The following ALPK2 variants were observed in gnomAD, a reference collection of about 807,000 sequenced individuals.
ALPK2 encodes the protein alpha-protein kinase 2.
Under a neutral mutation model 163.1 loss-of-function variants are expected in ALPK2, and 127 were observed. The ratio of observed to expected loss-of-function variants is 0.78; its 90% confidence interval spans 0.67 to 0.90. ALPK2 has a LOEUF of 0.90. ALPK2 is among the 40% of genes least tolerant of loss of function. The pLI is 0.00. For synonymous variants in ALPK2, 953 were observed against 959.1 expected (o/e 0.99, Z 0.12); for missense variants, 2,360 against 2,589.6 (o/e 0.91, Z 1.92).
At chr18:58,574,491 A>G (rs1041145853) in intron 4 of ALPK2, among the ~76,000 whole-genome samples, 2 of 151,238 alleles carry the variant, frequency 1.3e-5, no homozygotes, top group African/African-American at 4.9e-5. Context: ...GGGGTCCCCA[A>G]CCCCCAGCCC....
At position 58,536,506 on chromosome 18, in the gene ALPK2, A is replaced by G. The variant is rs1313014328; in HGVS notation, c.3681T>C (p.Pro1227=). The G allele has an allele frequency of 1.2e-6, 2 of 1,613,730 alleles. No individual in the cohort carries two copies. The highest frequency in any genetic ancestry group is 1.3e-5 in the African/African-American group (1 of 74,916). Reference sequence around the variant, plus strand: ...GCTTGTTGCCTGCCTCCCAATTTCCAGGTCTATATTCTTTAGACTCTTCCA... The same window carrying G: ...GCTTGTTGCCTGCCTCCCAATTTCCGGGTCTATATTCTTTAGACTCTTCCA... ...ILLEESKEYR[P]GNWEAGNKLK... The change falls in exon 5 of 13, where the codon CCT becomes CCC. Residue 1227 remains proline, a synonymous_variant. Transcript: ENST00000361673.
At chr18:58,592,483 T>TG (rs1313261181) in intron 3 of ALPK2, among the ~76,000 whole-genome samples, 8 of 152,236 alleles carry the variant, frequency 5.3e-5, no homozygotes, top group Non-Finnish European at 1.0e-4. Context: ...AGGGCATTCC[T>TG]GGCAGATGCA....
chr18:58,527,028 G>C (rs1284647464), intron 6 of ALPK2, among the ~76,000 whole-genome samples: 1 of 151,238 alleles, frequency 6.6e-6, no homozygotes, highest in Non-Finnish European at 1.5e-5. Context: ...ATTTCAAAAT[G>C]TATTTCCGCA....
chr18:58,489,237 A>G (rs370036320), intron 12 of ALPK2, among the ~76,000 whole-genome samples: 1 of 152,238 alleles, frequency 6.6e-6, no homozygotes, highest in South Asian at 2.1e-4. Flanking sequence ...CTGAGGGGAG[A>G]TGCCGTCGGA....
At chr18:58,557,943 C>T (rs546461735) in intron 4 of ALPK2, among the ~76,000 whole-genome samples, 4 of 151,974 alleles carry the variant, frequency 2.6e-5, no homozygotes, top group African/African-American at 4.8e-5. Flanking sequence ...AACGAGATCC[C>T]GTCTCTAAAA....
At chr18:58,576,158 G>A (rs894893458) in intron 4 of ALPK2, among the ~76,000 whole-genome samples, 2 of 152,190 alleles carry the variant, frequency 1.3e-5, no homozygotes, top group African/African-American at 4.8e-5. Context: ...TGGATCACCT[G>A]AGGTCAGGAG....
intron 11 of ALPK2, among the ~76,000 whole-genome samples, chr18:58,503,696 C>G (rs1292811870): frequency 6.6e-6 from 1 of 151,958 alleles, no homozygotes; most frequent in Non-Finnish European, 1.5e-5. Flanking sequence ...GAGACCCTGT[C>G]CCCCCCTAGA....
At chr18:58,534,205 G>T (rs1378112796) in intron 5 of ALPK2, among the ~76,000 whole-genome samples, 1 of 151,544 alleles carries the variant, frequency 6.6e-6, no homozygotes, top group Non-Finnish European at 1.5e-5. Context: ...GACTTTTGAG[G>T]CTTGAGTGGT....
chr18:58,604,486 G>A (rs2052087965), intron 3 of ALPK2, among the ~76,000 whole-genome samples: 1 of 152,168 alleles, frequency 6.6e-6, no homozygotes, highest in African/African-American at 2.4e-5. Context: ...AATTGGTCAA[G>A]CGCGAAGCCC....
chr18:58,574,232 C>T (rs186187494), intron 4 of ALPK2, among the ~76,000 whole-genome samples: 3 of 151,224 alleles, frequency 2.0e-5, no homozygotes, highest in Admixed American at 2.0e-4. Flanking sequence ...ATCACAAGGT[C>T]AGGAGTTCGA....
chr18:58,500,917 C>G (rs2051428631), intron 11 of ALPK2, among the ~76,000 whole-genome samples: 1 of 152,190 alleles, frequency 6.6e-6, no homozygotes. Context: ...CCCCACAAAC[C>G]TGCAGGACCT....
chr18:58,483,240 G>A (rs145072860), intron 12 of ALPK2, among the ~76,000 whole-genome samples: 173 of 152,284 alleles, frequency 1.1e-3, no homozygotes, highest in African/African-American at 3.8e-3. Context: ...TGAGGTCCAC[G>A]TTACATTCAC....
In ALPK2 at chr18:58,536,025, A is replaced by T. The variant is rs143492543; in HGVS notation, c.4162T>A (p.Phe1388Ile). The change falls in exon 5 of 13, where the codon TTC (phenylalanine) becomes ATC (isoleucine). Residue 1388 changes from phenylalanine to isoleucine, a missense_variant. Phe to Ile is a conservative substitution (Grantham distance 21). Coordinates refer to ENST00000361673, the MANE Select transcript of ALPK2 (RefSeq NM_052947.4). ...EKQLKMDHTA[F>I]FKKFLTCPKI... ...GGGCAGGTCAGAAACTTTTTAAAGA[A>T]GGCAGTGTGATCCATCTTGAGTTGT... 8.5e-5 allele frequency: 137 copies of T among 1,603,470 alleles called. 1 individual carries two copies. Among genetic ancestry groups the T allele is most frequent in the Non-Finnish European group, 1.1e-4 (126 of 1,173,236 alleles).
At chr18:58,517,250 G>A (rs901882068) in intron 8 of ALPK2, 68 bp from the exon 9 acceptor site, 1 of 1,527,496 alleles carries the variant, frequency 6.5e-7, no homozygotes, top group Non-Finnish European at 8.8e-7. Flanking sequence ...AACTCCACAT[G>A]GGGAGGGTCC....
At chr18:58,600,813 T>A (rs1026490361) in intron 3 of ALPK2, 4 of 152,280 alleles carry the variant, frequency 2.6e-5, no homozygotes, top group Non-Finnish European at 5.9e-5. Flanking sequence ...TTCTGAAATT[T>A]CAGTGTCTGT....
At chr18:58,517,453 C>T (rs1263541533) in intron 8 of ALPK2, among the ~76,000 whole-genome samples, 2 of 152,146 alleles carry the variant, frequency 1.3e-5, no homozygotes, top group East Asian at 3.8e-4. Flanking sequence ...GAATTCTAGA[C>T]AGATCTGGAA....
intron 4 of ALPK2, among the ~76,000 whole-genome samples, chr18:58,550,693 TACAACCC>T: frequency 1.3e-5 from 2 of 148,526 alleles, no homozygotes; most frequent in Admixed American, 6.7e-5. Context: ...CTCCATCGTG[TACAACCC>T]CATCCCCGCT....
chr18:58,512,338 A>C (rs1489545427), intron 10 of ALPK2: 1 of 152,250 alleles, frequency 6.6e-6, no homozygotes, highest in Non-Finnish European at 1.5e-5. Flanking sequence ...GACTCCATTG[A>C]TATTCATGAA....
chr18:58,580,598 G>A (rs1297960002), intron 3 of ALPK2, 50 bp from the exon 4 acceptor site: 1 of 1,467,050 alleles, frequency 6.8e-7, no homozygotes, highest in African/African-American at 1.4e-5. Context: ...GGACATGCAT[G>A]CCAACATTTT....
Sources: allele counts gnomAD v4.1 joint callset (sites outside exome capture counted in the v4.1 genomes callset), GRCh38; gene constraint gnomAD v4.1.1; transcripts MANE v1.5; gene names NCBI Gene and HGNC (gene_info 2026-07-23, HGNC 2026-07-21).